GPC4: variants seen among roughly 807,000 people sequenced by gnomAD.
The protein encoded by GPC4 is glypican-4.
GPC4 carries 10 observed loss-of-function variants against 35.0 expected under a neutral mutation model. That is an observed-to-expected ratio of 0.29 (90% CI 0.18 to 0.48). The LOEUF (loss-of-function observed/expected upper bound fraction) is 0.48, where lower values mean the gene tolerates loss of function less well. Among genes scored for constraint, GPC4 ranks in the 20% least tolerant of loss-of-function variants. The pLI, the probability that GPC4 is intolerant of heterozygous loss-of-function variation, is 0.99. For synonymous variants in GPC4, 167 were observed against 170.2 expected, an observed-to-expected ratio of 0.98 and a Z score of 0.15; for missense variants, 322 against 451.3, an observed-to-expected ratio of 0.71 and a Z score of 2.60.
chrX:133,409,111 C>T (rs1355898310), intron 1 of GPC4, among the ~76,000 whole-genome samples: 1 of 105,623 alleles, frequency 9.5e-6, no homozygotes, highest in African/African-American at 3.5e-5. Context: ...GCCGAGATCA[C>T]GCGACTGCAA....
At chrX:133,318,938 C>T (rs1038429265) in intron 3 of GPC4, among the ~76,000 whole-genome samples, 17 of 112,146 alleles carry the variant, frequency 1.5e-4, no homozygotes, top group African/African-American at 5.5e-4. Context: ...GGCAAGTGTA[C>T]TTCAACTATG....
chrX:133,337,867 T>C (rs1215360622), intron 2 of GPC4, among the ~76,000 whole-genome samples: 5 of 110,406 alleles, frequency 4.5e-5, no homozygotes, highest in Non-Finnish European at 3.8e-5. Context: ...CTACAGCATA[T>C]ATGTAGGGGG....
intron 7 of GPC4, 40 bp from the exon 8 acceptor site, chrX:133,303,381 C>G: frequency 8.9e-7 from 1 of 1,124,774 alleles, no homozygotes; most frequent in African/African-American, 1.8e-5. Context: ...ATTCGTAAAG[C>G]GAAAAGATTT....
chrX:133,386,803 C>A, intron 1 of GPC4, among the ~76,000 whole-genome samples: 2 of 111,935 alleles, frequency 1.8e-5, no homozygotes, highest in Middle Eastern at 9.2e-3. Flanking sequence ...GAGACAAAAG[C>A]CAATTTTATG....
chrX:133,397,374 T>C (rs978047978), intron 1 of GPC4, among the ~76,000 whole-genome samples: 1 of 110,420 alleles, frequency 9.1e-6, no homozygotes, highest in Admixed American at 9.7e-5. Flanking sequence ...GCCTGGGCGA[T>C]ATGGCAAAAC....
At chrX:133,370,943 C>G (rs938912311) in intron 1 of GPC4, among the ~76,000 whole-genome samples, 1 of 111,971 alleles carries the variant, frequency 8.9e-6, no homozygotes. Context: ...CTATGACAAG[C>G]AATCCTTAAT....
At chrX:133,347,107 G>C (rs988471728) in intron 1 of GPC4, among the ~76,000 whole-genome samples, 1 of 110,219 alleles carries the variant, frequency 9.1e-6, no homozygotes, top group African/African-American at 3.3e-5. Context: ...TCGTAATTAT[G>C]CATCAATATT....
intron 2 of GPC4, among the ~76,000 whole-genome samples, chrX:133,327,300 T>C (rs1189759828): frequency 9.0e-6 from 1 of 111,716 alleles, no homozygotes; most frequent in Non-Finnish European, 1.9e-5. Context: ...TGTTGGTTTT[T>C]AGGGGTGGGG....
intron 3 of GPC4, among the ~76,000 whole-genome samples, chrX:133,315,926 G>T (rs756012571): frequency 9.0e-6 from 1 of 111,368 alleles, no homozygotes; most frequent in Admixed American, 9.5e-5. Flanking sequence ...CTCTCTTAAT[G>T]ATTTAATAGT....
intron 1 of GPC4, among the ~76,000 whole-genome samples, chrX:133,378,864 C>T (rs2068648111): frequency 8.9e-6 from 1 of 111,788 alleles, no homozygotes; most frequent in Admixed American, 9.5e-5. Flanking sequence ...CTGCAGCATG[C>T]TTCTGTTGTT....
At chrX:133,336,535 AAAAC>A (rs2068444869) in intron 2 of GPC4, among the ~76,000 whole-genome samples, 1 of 110,865 alleles carries the variant, frequency 9.0e-6, no homozygotes, top group East Asian at 2.9e-4. Context: ...GCTCCATCTC[AAAAC>A]AAACAAACAA....
intron 1 of GPC4, among the ~76,000 whole-genome samples, chrX:133,412,550 A>T (rs1363929002): frequency 1.8e-5 from 2 of 111,915 alleles, no homozygotes; most frequent in African/African-American, 6.5e-5. Context: ...GGTCATTCAA[A>T]AGGGGAAATA....
Position 133,303,325 on chromosome X carries a change from T to C in GPC4, c.1309A>G (p.Thr437Ala). The C allele has an allele frequency of 8.3e-7, 1 of 1,209,313 alleles. No individual in the cohort carries two copies. Among genetic ancestry groups the C allele is most frequent in the Non-Finnish European group, 1.1e-6 (1 of 894,300 alleles). ...KGKSRYLFAV[T>A]GNGLANQGNN... Reference sequence around the variant, plus strand: ...CCCTGGTTGGCTAATCCATTTCCTGTCACTGCAAACAGGTACCTGGAATGT... The same window carrying C: ...CCCTGGTTGGCTAATCCATTTCCTGCCACTGCAAACAGGTACCTGGAATGT... Residue 437 changes from threonine to alanine, a missense_variant, in exon 8 of 9, where the codon ACA (threonine) becomes GCA (alanine). Physicochemically the swap from Thr to Ala is moderately conservative, Grantham distance 58. Around this residue, in one of 3 missense-constraint regions of GPC4, gnomAD observed 99 missense variants for 110.0 expected, o/e 0.90. Transcript: ENST00000370828.
rs754941153 is a variant in GPC4 at position 133,414,825 on chromosome X, G to A, written c.141C>T (p.Ala47=). The change falls in exon 1 of 9, where the codon GCC becomes GCT. Residue 47 remains alanine, a synonymous_variant. Transcript: ENST00000370828. The part of the protein sequence containing the change: ...YVSKGFNKND[A]PLHEINGDHL... ...ACCTACCGTTGATCTCGTGGAGGGG[G>A]GCATCGTTCTTGTTGAAGCCTTTGG... 18 of 1,210,454 alleles carry A rather than the reference G, an allele frequency of 1.5e-5. No homozygotes were observed. Among genetic ancestry groups the A allele is most frequent in the Admixed American group, 4.4e-5 (2 of 45,966 alleles).
intron 1 of GPC4, among the ~76,000 whole-genome samples, chrX:133,344,103 T>C (rs1233833599): frequency 3.7e-5 from 4 of 108,374 alleles, no homozygotes; most frequent in Admixed American, 1.0e-4. Context: ...AAATGGTAGA[T>C]AGGTGCTCAG....
intron 1 of GPC4, among the ~76,000 whole-genome samples, chrX:133,406,369 C>A (rs1230972936): frequency 4.4e-5 from 5 of 112,455 alleles, no homozygotes; most frequent in African/African-American, 1.6e-4. Context: ...AACAACCATG[C>A]ACTGATTCTA....
At chrX:133,310,319 T>C (rs1028694180) in intron 4 of GPC4, among the ~76,000 whole-genome samples, 2 of 112,073 alleles carry the variant, frequency 1.8e-5, no homozygotes, top group Non-Finnish European at 3.8e-5. Context: ...AGTTTCTTTT[T>C]GTGAGCTGTT....
intron 1 of GPC4, among the ~76,000 whole-genome samples, chrX:133,347,248 G>GTTTTT (rs763800349): frequency 0.031 from 789 of 25,398 alleles, 166 homozygotes; most frequent in African/African-American, 0.078. Context: ...TCTATTAGAA[G>GTTTTT]TTTTTTTTTT....
At chrX:133,349,366 G>T (rs550873215) in intron 1 of GPC4, among the ~76,000 whole-genome samples, 7 of 112,441 alleles carry the variant, frequency 6.2e-5, no homozygotes, top group Non-Finnish European at 1.3e-4. Flanking sequence ...AACAGCAGAT[G>T]ATTTTCCATA....
Sources: allele counts gnomAD v4.1 joint callset (sites outside exome capture counted in the v4.1 genomes callset), GRCh38; gene constraint gnomAD v4.1.1; regional missense constraint gnomAD v4.1.1; transcripts MANE v1.5; gene names NCBI Gene and HGNC (gene_info 2026-07-23, HGNC 2026-07-21).